C12orf50: variants seen among roughly 807,000 people sequenced by gnomAD.
The protein encoded by C12orf50 is zinc finger CCCH-type containing 11D, also known as uncharacterized protein C12orf50.
In C12orf50, 35 loss-of-function variants were observed where a neutral mutation model predicts 61.6. The observed-to-expected ratio is 0.57, with a 90% CI of 0.43 to 0.75. C12orf50 has a LOEUF of 0.75. Ranked by LOEUF, C12orf50 falls within the 30% of genes least tolerant of loss-of-function variation. The pLI is 0.00. For missense variants in C12orf50, 475 were observed against 488.5 expected (o/e 0.97, Z 0.26); for synonymous variants, 178 against 161.5 (o/e 1.10, Z -0.77).
intron 7 of C12orf50, among the ~76,000 whole-genome samples, chr12:87,990,871 C>A (rs1045198877): frequency 3.3e-5 from 5 of 152,136 alleles, no homozygotes; most frequent in Admixed American, 3.3e-4. Context: ...GACTCCCATA[C>A]TTTTCAGGTA....
At chr12:88,000,748 A>G (rs1184957537) in intron 3 of C12orf50, among the ~76,000 whole-genome samples, 5 of 151,426 alleles carry the variant, frequency 3.3e-5, no homozygotes, top group African/African-American at 1.2e-4. Flanking sequence ...AACTTTGCAC[A>G]TCTTATGTTA....
Position 87,987,866 on chromosome 12 carries a change from T to C in C12orf50, c.801A>G (p.Arg267=), listed in dbSNP as rs751934173. The C allele has an allele frequency of 1.2e-6, 2 of 1,604,336 alleles. No homozygotes were observed. Among genetic ancestry groups the C allele is most frequent in the Non-Finnish European group, 1.7e-6 (2 of 1,172,608 alleles). The change falls in exon 9 of 13, where the codon AGA becomes AGG. Residue 267 remains arginine, a synonymous_variant. Coordinates refer to ENST00000298699, the MANE Select transcript of C12orf50 (RefSeq NM_152589.3). ...ATGTCTCACTTGAAGAGGGGTCCTC[T>C]CTGCACTTCATACTGATATTCTCAG... The part of the protein sequence containing the change: ...NATENISMKC[R]EDPSSMNDVQ...
chr12:88,000,892 G>A (rs1231467653), intron 3 of C12orf50, among the ~76,000 whole-genome samples: 4 of 151,706 alleles, frequency 2.6e-5, no homozygotes, highest in Non-Finnish European at 5.9e-5. Flanking sequence ...ATCCTGCAAT[G>A]TTGCTAAATT....
chr12:87,981,776 A>G (rs1592640423), intron 12 of C12orf50, among the ~76,000 whole-genome samples: 1 of 151,866 alleles, frequency 6.6e-6, no homozygotes, highest in Non-Finnish European at 1.5e-5. Context: ...CTCCCACGCA[A>G]CCTTAGCACT....
chr12:87,984,057 T>C (rs1354951190), intron 11 of C12orf50: 1 of 150,416 alleles, frequency 6.6e-6, no homozygotes, highest in Non-Finnish European at 1.5e-5. Context: ...ACCTGTTGTT[T>C]CCTGACTTTT....
rs376368461 is a variant in C12orf50 at position 87,997,224 on chromosome 12, T to C, written c.290-578A>G. ...GAATAATGCAGATGACAGTGATTTA[T>C]AGATTATTAACTACTACATAGATCT... On this transcript the variant is annotated intron_variant, in intron 4 of 12. Transcript: ENST00000298699. 1.3e-3 allele frequency among the ~76,000 whole-genome samples: 202 copies of C among 152,304 alleles called. 4 individuals are homozygous for C. In the South Asian group the frequency reaches 0.04, roughly 30 times the overall value.
At chr12:88,014,459 G>A (rs988089044) in intron 3 of C12orf50, among the ~76,000 whole-genome samples, 2 of 151,996 alleles carry the variant, frequency 1.3e-5, no homozygotes, top group Non-Finnish European at 2.9e-5. Context: ...CTGCCACTAC[G>A]TCCGGCTAAT....
chr12:88,028,371 A>G (rs2032782587), intron 1 of C12orf50, among the ~76,000 whole-genome samples: 1 of 152,182 alleles, frequency 6.6e-6, no homozygotes, highest in Non-Finnish European at 1.5e-5. Flanking sequence ...GAAACCAGAC[A>G]TATCATCTTT....
intron 8 of C12orf50, among the ~76,000 whole-genome samples, chr12:87,988,562 G>C (rs556931193): frequency 2.0e-5 from 3 of 152,118 alleles, no homozygotes; most frequent in Non-Finnish European, 4.4e-5. Flanking sequence ...GAGTTTCTTT[G>C]ATGGACTGGG....
In C12orf50 at chr12:87,985,838, A is replaced by T. The variant is rs367800438; in HGVS notation, c.1126+12T>A. 4.6e-5 allele frequency: 74 copies of T among 1,611,846 alleles called. No homozygotes were observed. The African/African-American group carries it at 9.3e-4, about 20-fold the overall frequency. ...ACAGACAAGAGTAAACCACATCAAC[A>T]AAGGACCTCACCTGGACTGAGGTTG... On this transcript the variant is annotated intron_variant, in intron 11 of 12. Coordinates refer to ENST00000298699, the MANE Select transcript of C12orf50 (RefSeq NM_152589.3).
chr12:88,020,411 A>G (rs4454801), intron 3 of C12orf50, among the ~76,000 whole-genome samples: 40,108 of 152,098 alleles, frequency 0.26, 10,749 homozygotes, highest in African/African-American at 0.69. Flanking sequence ...TCAGGCCAAA[A>G]AGACTTAAAC....
intron 3 of C12orf50, among the ~76,000 whole-genome samples, chr12:88,019,736 A>T (rs2136487555): frequency 6.6e-6 from 1 of 152,262 alleles, no homozygotes; most frequent in Non-Finnish European, 1.5e-5. Flanking sequence ...TAGAAGAAAA[A>T]CAAAGAAACC....
chr12:88,005,757 T>C (rs1327539259), intron 3 of C12orf50, among the ~76,000 whole-genome samples: 1 of 147,694 alleles, frequency 6.8e-6, no homozygotes, highest in East Asian at 2.1e-4. Flanking sequence ...ATCCATGTTT[T>C]TAAACACCAG....
Position 87,986,326 on chromosome 12 carries a change from G to C in C12orf50, c.908C>G (p.Ser303Cys). The C allele has an allele frequency of 6.2e-7, 1 of 1,601,854 alleles. No individual in the cohort carries two copies. The highest frequency in any genetic ancestry group is 8.5e-7 in the Non-Finnish European group (1 of 1,173,532). Residue 303 changes from serine to cysteine, a missense_variant, in exon 10 of 13, where the codon TCT becomes TGT. Physicochemically the swap from Ser to Cys is moderately radical, Grantham distance 112 (BLOSUM62 -1). Transcript: ENST00000298699. ...AGACACCTTACCTCTCTGCATTCCA[G>C]AGTTAGGAAAGTTCTGTGGTTCATC... ...IYDEPQNFPN[S>C]GMQRAVQAPR...
rs567895388 is a variant in C12orf50, at chr12:88,014,369, T to A, written c.133+12119A>T. Reference sequence around the variant, plus strand: ...CAGGCTGGAGTGCAGTGGCGCGATTTCGGCTCACTGCAAGCTCTGCCTCCC... The same window carrying A: ...CAGGCTGGAGTGCAGTGGCGCGATTACGGCTCACTGCAAGCTCTGCCTCCC... On this transcript the variant is annotated intron_variant, in intron 3 of 12. Transcript: ENST00000298699. 3.9e-5 allele frequency among the ~76,000 whole-genome samples: 6 copies of A among 152,298 alleles called. No homozygotes were observed. In the South Asian group the frequency reaches 1.2e-3, roughly 32 times the overall value.
At chr12:87,994,260 G>T (rs1013555255) in intron 7 of C12orf50, among the ~76,000 whole-genome samples, 1 of 151,890 alleles carries the variant, frequency 6.6e-6, no homozygotes, top group African/African-American at 2.4e-5. Context: ...TTAATCAAAT[G>T]ATTTATTAAG....
At chr12:87,983,311 C>T in intron 11 of C12orf50, 116 bp from the exon 12 acceptor site, 1 of 556,634 alleles carries the variant, frequency 1.8e-6, no homozygotes, top group Non-Finnish European at 3.0e-6. Flanking sequence ...ATTCATTTTA[C>T]CATTTCAAAG....
intron 3 of C12orf50, among the ~76,000 whole-genome samples, chr12:88,004,509 A>C (rs2031779436): frequency 6.6e-6 from 1 of 152,216 alleles, no homozygotes; most frequent in Non-Finnish European, 1.5e-5. Flanking sequence ...AAAGAACTTA[A>C]AACAGAAATA....
At chr12:88,009,607 G>T (rs117511335) in intron 3 of C12orf50, among the ~76,000 whole-genome samples, 126 of 152,152 alleles carry the variant, frequency 8.3e-4, no homozygotes, top group Non-Finnish European at 1.0e-3. Context: ...AGCTAAAGAT[G>T]CTGCTAAACA....
Sources: allele counts gnomAD v4.1 joint callset (sites outside exome capture counted in the v4.1 genomes callset), GRCh38; gene constraint gnomAD v4.1.1; transcripts MANE v1.5; gene names NCBI Gene and HGNC (gene_info 2026-07-23, HGNC 2026-07-21).